Variants in MAP4K4 observed in about 807,000 individuals in gnomAD.
MAP4K4 encodes the protein HPK/GCK-like kinase HGK.
Under a neutral mutation model 189.6 loss-of-function variants are expected in MAP4K4, and 38 were observed. The observed-to-expected ratio is 0.20, with a 90% CI of 0.15 to 0.26. MAP4K4 has a LOEUF of 0.26. Ranked by LOEUF, MAP4K4 falls within the 10% of genes least tolerant of loss-of-function variation. MAP4K4 has a pLI of 1.00. For missense variants in MAP4K4, 1,054 were observed against 1,726.9 expected (o/e 0.61, Z 6.91); for synonymous variants, 610 against 624.3 (o/e 0.98, Z 0.34).
intron 3 of MAP4K4, among the ~76,000 whole-genome samples, chr2:101,793,025 A>G (rs2093184896): frequency 1.3e-5 from 2 of 152,118 alleles, no homozygotes; most frequent in Admixed American, 1.3e-4. Flanking sequence ...ACATACCGAT[A>G]TGTGTAATGG....
At chr2:101,732,025 T>C (rs769673406) in intron 2 of MAP4K4, among the ~76,000 whole-genome samples, 6 of 152,176 alleles carry the variant, frequency 3.9e-5, no homozygotes, top group African/African-American at 1.2e-4. Context: ...TTCTTCAGAA[T>C]TGGGGAGGTG....
chr2:101,837,956 A>G (rs180846791), intron 9 of MAP4K4, among the ~76,000 whole-genome samples: 2 of 152,182 alleles, frequency 1.3e-5, no homozygotes, highest in African/African-American at 2.4e-5. Context: ...TCCCTGTTCT[A>G]ATGTTACCCA....
intron 2 of MAP4K4, among the ~76,000 whole-genome samples, chr2:101,726,345 A>G (rs1203161339): frequency 2.0e-5 from 3 of 152,220 alleles, no homozygotes; most frequent in Non-Finnish European, 4.4e-5. Context: ...CTGTCCTCAC[A>G]GGCTAAGTGG....
chr2:101,740,209 A>G (rs1277163812), intron 2 of MAP4K4, among the ~76,000 whole-genome samples: 1 of 87,466 alleles, frequency 1.1e-5, no homozygotes, highest in Non-Finnish European at 1.8e-5. Context: ...GCTGGAGTGC[A>G]GTGGCGGGAT....
intron 16 of MAP4K4, chr2:101,862,262 AAAAAAAG>A (rs1231889067): frequency 6.7e-6 from 1 of 150,322 alleles, no homozygotes; most frequent in Non-Finnish European, 1.4e-5. Flanking sequence ...AAAAAAAAAA[AAAAAAAG>A]GAACAGCTAG....
At chr2:101,867,633 T>A (rs1422383224) in intron 20 of MAP4K4, 3 of 333,212 alleles carry the variant, frequency 9.0e-6, no homozygotes, top group African/African-American at 2.1e-5. Context: ...ACTGATGCTT[T>A]AAAAAAAATA....
chr2:101,705,471 G>T (rs1378147470), intron 2 of MAP4K4, among the ~76,000 whole-genome samples: 3 of 152,092 alleles, frequency 2.0e-5, no homozygotes, highest in Admixed American at 6.6e-5. Flanking sequence ...CATTTTAAGT[G>T]GCTCAACCTC....
intron 3 of MAP4K4, among the ~76,000 whole-genome samples, chr2:101,822,582 C>T (rs749262469): frequency 1.3e-5 from 2 of 152,100 alleles, no homozygotes; most frequent in Non-Finnish European, 2.9e-5. Context: ...AATGATGTTG[C>T]AGCTTTTATT....
intron 2 of MAP4K4, among the ~76,000 whole-genome samples, chr2:101,748,566 T>C (rs2066832543): frequency 1.3e-5 from 2 of 152,128 alleles, no homozygotes; most frequent in African/African-American, 4.8e-5. Context: ...CCCAGCACTT[T>C]GGGAGGCTGA....
At chr2:101,700,522 A>AAAATT (rs2037812913) in intron 2 of MAP4K4, among the ~76,000 whole-genome samples, 1 of 152,224 alleles carries the variant, frequency 6.6e-6, no homozygotes, top group Non-Finnish European at 1.5e-5. Context: ...GCTCATAAGC[A>AAAATT]GTTACATTTT....
At chr2:101,880,739 C>A (rs1206649983) in intron 27 of MAP4K4, among the ~76,000 whole-genome samples, 5 of 152,086 alleles carry the variant, frequency 3.3e-5, no homozygotes, top group Non-Finnish European at 7.4e-5. Flanking sequence ...AAGCTCCTGA[C>A]CTCATGATCC....
chr2:101,706,536 C>T (rs1467848582), intron 2 of MAP4K4, among the ~76,000 whole-genome samples: 2 of 152,200 alleles, frequency 1.3e-5, no homozygotes, highest in African/African-American at 4.8e-5. Flanking sequence ...TCCTCAGATA[C>T]CCTAAAAGGT....
intron 2 of MAP4K4, among the ~76,000 whole-genome samples, chr2:101,700,569 A>G (rs1225967038): frequency 1.3e-5 from 2 of 152,240 alleles, no homozygotes; most frequent in Non-Finnish European, 2.9e-5. Flanking sequence ...TAAAGACTAG[A>G]GAGCTCAGTT....
chr2:101,718,310 A>G (rs1462351390), intron 2 of MAP4K4, among the ~76,000 whole-genome samples: 1 of 151,740 alleles, frequency 6.6e-6, no homozygotes, highest in Non-Finnish European at 1.5e-5. Flanking sequence ...CATCTCCTTT[A>G]TGTACATTTC....
intron 12 of MAP4K4, among the ~76,000 whole-genome samples, chr2:101,849,561 T>C (rs1046506181): frequency 1.3e-5 from 2 of 152,034 alleles, no homozygotes; most frequent in African/African-American, 4.8e-5. Flanking sequence ...AGTATTTATT[T>C]GCTTTTTAGG....
Position 101,848,996 on chromosome 2 carries a change from C to T in MAP4K4, c.1233+4685C>T, listed in dbSNP as rs572861016. Among the ~76,000 whole-genome samples the T allele has an allele frequency of 1.6e-4, 24 of 152,276 alleles. No individual in the cohort carries two copies. The East Asian group carries it at 1.7e-3, about 11-fold the overall frequency. On this transcript the variant is annotated intron_variant, in intron 12 of 32. Transcript: ENST00000324219. ...GTCTCAGCATTTCTTCCCTGCCCCT[C>T]CCCGCTGCTCTTCATGTGTGTGACT...
chr2:101,782,392 A>G (rs1355439645), intron 2 of MAP4K4, among the ~76,000 whole-genome samples: 1 of 152,216 alleles, frequency 6.6e-6, no homozygotes, highest in African/African-American at 2.4e-5. Flanking sequence ...TAAGAAAGGA[A>G]TAATTCTATA....
At chr2:101,720,776 T>C (rs1347975384) in intron 2 of MAP4K4, among the ~76,000 whole-genome samples, 7 of 152,266 alleles carry the variant, frequency 4.6e-5, no homozygotes, top group Admixed American at 2.6e-4. Flanking sequence ...TGTTACTGTT[T>C]TCTTGATGGG....
chr2:101,785,984 C>T (rs1449159715), intron 2 of MAP4K4, among the ~76,000 whole-genome samples: 1 of 152,062 alleles, frequency 6.6e-6, no homozygotes, highest in Non-Finnish European at 1.5e-5. Flanking sequence ...CGCCACCATG[C>T]CTGGCTGATT....
Sources: gnomAD v4.1 joint callset for allele counts (sites outside exome capture counted in the v4.1 genomes callset) on GRCh38, gnomAD v4.1.1 for gene constraint, MANE v1.5 for transcripts, NCBI Gene and HGNC (gene_info 2026-07-23, HGNC 2026-07-21) for gene names.